ABHD2: variants seen among roughly 807,000 people sequenced by gnomAD.
ABHD2 encodes the protein abhydrolase domain containing 2, acylglycerol lipase.
In ABHD2, 20 loss-of-function variants were observed where a neutral mutation model predicts 48.1. That is an observed-to-expected ratio of 0.42 (90% CI 0.29 to 0.60). ABHD2 has a LOEUF of 0.60. Among genes scored for constraint, ABHD2 ranks in the 20% least tolerant of loss-of-function variants. The pLI is 0.24. For missense variants in ABHD2, 405 were observed against 550.9 expected, an observed-to-expected ratio of 0.74 and a Z score of 2.65; for synonymous variants, 209 against 214.2, an observed-to-expected ratio of 0.98 and a Z score of 0.21.
chr15:89,089,847 C>CCACA (rs776414612), intron 1 of ABHD2, among the ~76,000 whole-genome samples: 6 of 152,312 alleles, frequency 3.9e-5, no homozygotes, highest in African/African-American at 7.2e-5. Context: ...AATCTTTGAA[C>CCACA]ATCTAGTCAG....
chr15:89,044,683 T>A, the ABHD2 span, among the ~76,000 whole-genome samples: 243 of 142,860 alleles, frequency 1.7e-3, no homozygotes, highest in South Asian at 2.2e-3. Flanking sequence ...CATGTGTTTT[T>A]TGGCTGCATA....
Position 89,184,479 on chromosome 15 carries a change from TA to T in ABHD2, c.723-943del, listed in dbSNP as rs1165117526. On this transcript the variant is annotated intron_variant, in intron 6 of 10. Transcript: ENST00000352732. The surrounding 1 kb of genome is among the most constrained non-coding windows in gnomAD (Gnocchi z 5.1). ...AACGTGCAAGATAAAAGTTTCCCTG[TA>T]ATGAGTGTGGACTCAGTGTCCGCCT... Among the ~76,000 whole-genome samples the T allele has an allele frequency of 6.6e-6, 1 of 152,176 alleles. No individual in the cohort carries two copies. Among genetic ancestry groups the T allele is most frequent in the Non-Finnish European group, 1.5e-5 (1 of 68,018 alleles).
chr15:89,110,506 T>C lies in ABHD2; in HGVS notation c.-106-3219T>C, dbSNP rs564888721. On this transcript the variant is annotated intron_variant, in intron 1 of 10. Coordinates refer to ENST00000352732, the MANE Select transcript of ABHD2 (RefSeq NM_152924.5). The stretch of plus-strand genomic sequence containing the variant: ...TTGCTTAATTTTTTTTTTTCTGGAC[T>C]GATTTTTATCTAAGCTTCTAAAGTA... Among the ~76,000 whole-genome samples the C allele has an allele frequency of 2.7e-3, 414 of 152,308 alleles. 2 individuals are homozygous for C. Among genetic ancestry groups the C allele is most frequent in the African/African-American group, 9.5e-3 (396 of 41,558 alleles).
intron 7 of ABHD2, among the ~76,000 whole-genome samples, chr15:89,187,028 T>C (rs2051222164): frequency 6.6e-6 from 1 of 152,238 alleles, no homozygotes; most frequent in African/African-American, 2.4e-5. Context: ...GATTCAGCTG[T>C]GTGCTGGGCA....
chr15:89,093,733 C>T (rs1234570426), intron 1 of ABHD2: 4 of 152,206 alleles, frequency 2.6e-5, no homozygotes, highest in African/African-American at 4.8e-5. Flanking sequence ...ATCTCCAAAC[C>T]GCTTTAAACT....
chr15:89,068,196 G>GCACA, the ABHD2 span, among the ~76,000 whole-genome samples: 32,192 of 149,646 alleles, frequency 0.22, 3,681 homozygotes, highest in Middle Eastern at 0.32. Flanking sequence ...ATGTGCGCGT[G>GCACA]CACACACACA....
At position 89,196,907 on chromosome 15, in the gene ABHD2, A is replaced by G. The variant is rs771267589; in HGVS notation, c.*1484A>G. The G allele has an allele frequency of 2.0e-5, 3 of 152,656 alleles. No individual in the cohort carries two copies. Among genetic ancestry groups the G allele is most frequent in the South Asian group, 2.1e-4 (1 of 4,832 alleles). 9.5% of individuals were successfully genotyped at this position (152,656 alleles called of 1,614,324 possible). ...ATCCAAAAACCCTGCACTTTGAACA[A>G]TCAGCTGTTGCTATCTGGAACTAAA... is the stretch of plus-strand genomic sequence containing the variant. On this transcript the variant is annotated 3_prime_UTR_variant, in exon 11 of 11. Coordinates refer to ENST00000352732, the MANE Select transcript of ABHD2 (RefSeq NM_152924.5).
At chr15:89,049,995 G>T in the ABHD2 span, among the ~76,000 whole-genome samples, 1 of 152,154 alleles carries the variant, frequency 6.6e-6, no homozygotes, top group Admixed American at 6.5e-5. Context: ...GAAAATAAAA[G>T]TTGCCCACCA....
rs1327595814 is a variant in ABHD2 at position 89,102,129 on chromosome 15, C to A, written c.-106-11596C>A. On this transcript the variant is annotated intron_variant, in intron 1 of 10. Transcript: ENST00000352732. The surrounding 1 kb of genome is among the most constrained non-coding windows in gnomAD (Gnocchi z 4.8). ...TCCATCTGCCCATTTCCTGACCGCCCAGCATTCTTGGGCCTTGGCTCAACT... is the reference window on the plus strand; with the variant it reads ...TCCATCTGCCCATTTCCTGACCGCCAAGCATTCTTGGGCCTTGGCTCAACT... Among the ~76,000 whole-genome samples the A allele has an allele frequency of 6.6e-6, 1 of 152,206 alleles. No individual in the cohort carries two copies. The highest frequency in any genetic ancestry group is 1.9e-4 in the East Asian group (1 of 5,198).
chr15:89,052,036 A>G, the ABHD2 span, among the ~76,000 whole-genome samples: 1 of 152,178 alleles, frequency 6.6e-6, no homozygotes, highest in Non-Finnish European at 1.5e-5. Flanking sequence ...GTCGTTTGGA[A>G]TTTGGAATGC....
At chr15:89,115,615 A>T (rs1183854824) in intron 2 of ABHD2, among the ~76,000 whole-genome samples, 1 of 152,206 alleles carries the variant, frequency 6.6e-6, no homozygotes, top group Non-Finnish European at 1.5e-5. Context: ...GGGAAAAAAC[A>T]AAACAAAACA....
In ABHD2 at chr15:89,186,288, G is replaced by A. The variant is rs542165240; in HGVS notation, c.815+772G>A. 5.9e-5 allele frequency among the ~76,000 whole-genome samples: 9 copies of A among 152,132 alleles called. No individual in the cohort carries two copies. The highest frequency in any genetic ancestry group is 1.3e-4 in the Non-Finnish European group (9 of 68,034). ...TTCTTCATGCTTGTCCTGCCTCTCC[G>A]CCTCGTAATCCTGTGGTGGGTTAAC... is the stretch of plus-strand genomic sequence containing the variant. On this transcript the variant is annotated intron_variant, in intron 7 of 10. Transcript: ENST00000352732. The surrounding 1 kb of genome is among the most constrained non-coding windows in gnomAD (Gnocchi z 4.3).
chr15:89,049,645 C>T, the ABHD2 span, among the ~76,000 whole-genome samples: 2 of 152,222 alleles, frequency 1.3e-5, no homozygotes, highest in Non-Finnish European at 2.9e-5. Flanking sequence ...GGGAGTGACC[C>T]GATTTTCCAG....
At chr15:89,080,706 T>C in the ABHD2 span, among the ~76,000 whole-genome samples, 4,833 of 151,922 alleles carry the variant, frequency 0.032, 267 homozygotes, top group African/African-American at 0.11. Flanking sequence ...TTTTTTTTTT[T>C]TTTTTTAAGA....
chr15:89,070,433 A>G, the ABHD2 span, among the ~76,000 whole-genome samples: 1 of 152,202 alleles, frequency 6.6e-6, no homozygotes, highest in Non-Finnish European at 1.5e-5. Flanking sequence ...CCCTAATACA[A>G]GCATCAGACA....
At chr15:89,041,266 C>T in the ABHD2 span, 1 of 152,166 alleles carries the variant, frequency 6.6e-6, no homozygotes, top group Non-Finnish European at 1.5e-5. Context: ...CTGCCGCTGC[C>T]GAGCTCTGCC....
Position 89,106,638 on chromosome 15 carries a change from G to GT in ABHD2, c.-106-7080dup, listed in dbSNP as rs916393927. On this transcript the variant is annotated intron_variant, in intron 1 of 10. Transcript: ENST00000352732. The surrounding 1 kb of genome is among the most constrained non-coding windows in gnomAD (Gnocchi z 4.2). ...GGCTTGTTTTCGTCCCTGCAGAATG[G>GT]TTTTTTTCCCCCTATGATGGCTCTG... Among the ~76,000 whole-genome samples the GT allele has an allele frequency of 6.6e-6, 1 of 152,138 alleles. No individual in the cohort carries two copies. The highest frequency in any genetic ancestry group is 1.5e-5 in the Non-Finnish European group (1 of 68,026).
At chr15:89,157,738 G>T (rs1255427573) in intron 5 of ABHD2, among the ~76,000 whole-genome samples, 2 of 152,068 alleles carry the variant, frequency 1.3e-5, no homozygotes, top group Non-Finnish European at 1.5e-5. Context: ...AGCTACTCGG[G>T]AGGCTGAGGC....
the ABHD2 span, among the ~76,000 whole-genome samples, chr15:89,056,863 G>T: frequency 6.6e-6 from 1 of 150,716 alleles, no homozygotes; most frequent in Non-Finnish European, 1.5e-5. Context: ...TAGTCAGTAG[G>T]CATTAAATTT....
Sources: gnomAD v4.1 joint callset for allele counts (sites outside exome capture counted in the v4.1 genomes callset) on GRCh38, gnomAD v4.1.1 for gene constraint, Gnocchi (gnomAD v3.1) non-coding constraint, MANE v1.5 for transcripts, NCBI Gene and HGNC (gene_info 2026-07-23, HGNC 2026-07-21) for gene names.